Variants in CASZ1 observed in about 807,000 individuals in gnomAD.
CASZ1 encodes the protein zinc finger protein castor homolog 1.
In CASZ1, 28 loss-of-function variants were observed where a neutral mutation model predicts 135.2. That is an observed-to-expected ratio of 0.21 (90% CI 0.15 to 0.28). The LOEUF is 0.28. Ranked by LOEUF, CASZ1 falls within the 10% of genes least tolerant of loss-of-function variation. The probability of loss-of-function intolerance (pLI) is 1.00; values close to 1 mark genes in which losing one functional copy is unlikely to be tolerated. For missense variants in CASZ1, 2,161 were observed against 2,453.3 expected, an observed-to-expected ratio of 0.88 and a Z score of 2.52; for synonymous variants, 1,068 against 1,073.4, an observed-to-expected ratio of 0.99 and a Z score of 0.10.
intron 2 of CASZ1, among the ~76,000 whole-genome samples, chr1:10,744,126 C>T (rs1208095331): frequency 1.3e-5 from 2 of 152,046 alleles, no homozygotes; most frequent in South Asian, 2.1e-4. Flanking sequence ...CCGACCCTGC[C>T]CCCTGATTTT....
chr1:10,714,443 A>T (rs1033826874), intron 2 of CASZ1, among the ~76,000 whole-genome samples: 1 of 152,236 alleles, frequency 6.6e-6, no homozygotes, highest in Non-Finnish European at 1.5e-5. Flanking sequence ...GGCTCTGCTG[A>T]GCCTCCACAC....
chr1:10,784,250 C>T (rs1288964987), intron 1 of CASZ1, among the ~76,000 whole-genome samples: 2 of 152,108 alleles, frequency 1.3e-5, no homozygotes, highest in Non-Finnish European at 2.9e-5. Flanking sequence ...TGGGTGTGCC[C>T]CCGCCCTCCA....
At position 10,644,912 on chromosome 1, in the gene CASZ1, G is replaced by A. The variant is rs760931772; in HGVS notation, c.3868+5C>T. ...GTCCCTGCCCGCAGCCCCAGCCCTCGGTACCTAGCCTGCCACACTCCTCGC... is the reference window on the plus strand; with the variant it reads ...GTCCCTGCCCGCAGCCCCAGCCCTCAGTACCTAGCCTGCCACACTCCTCGC... On this transcript the variant is annotated splice_donor_5th_base_variant and intron_variant, in intron 18 of 20. Transcript: ENST00000377022. The A allele has an allele frequency of 2.5e-5, 41 of 1,610,874 alleles. No individual in the cohort carries two copies. Among genetic ancestry groups the A allele is most frequent in the South Asian group, 6.6e-5 (6 of 90,846 alleles).
chr1:10,644,840 A>G, intron 18 of CASZ1, 77 bp downstream of exon 18: 2 of 1,473,582 alleles, frequency 1.4e-6, no homozygotes, highest in African/African-American at 1.4e-5. Context: ...GGGTACCAGG[A>G]GAGGCGGCCC....
rs755184841 is a variant in CASZ1 at position 10,658,576 on chromosome 1, C to T, written c.1341G>A (p.Lys447=). The change falls in exon 7 of 21, where the codon AAG becomes AAA. Residue 447 remains lysine (K), a splice_region_variant and synonymous_variant. Coordinates refer to ENST00000377022, the MANE Select transcript of CASZ1 (RefSeq NM_001079843.3). The part of the protein sequence containing the change: ...SITTGTVSTV[K]NGLPTDKPAV... ...CTGGTTTATCTGTGGGCAGTCCGTT[C>T]CTGGCAAGAGACACACAGGGCACAG... 1.9e-6 allele frequency: 3 copies of T among 1,613,998 alleles called. 1 individual carries two copies. In the South Asian group the frequency reaches 3.3e-5, roughly 18 times the overall value.
At position 10,679,296 on chromosome 1, in the gene CASZ1, C is replaced by T. The variant is rs1016831864; in HGVS notation, c.17-13725G>A. Among the ~76,000 whole-genome samples, 11 of 152,208 alleles carry T rather than the reference C, an allele frequency of 7.2e-5. No homozygotes were observed. The highest frequency in any genetic ancestry group is 1.6e-4 in the Non-Finnish European group (11 of 68,024). The stretch of plus-strand genomic sequence containing the variant: ...TCCCAAACCTGAGGCAGACAGGTCT[C>T]CTGGGCCATCTGCACCACATGCCCC... On this transcript the variant is annotated intron_variant, in intron 4 of 20. Coordinates refer to ENST00000377022, the MANE Select transcript of CASZ1 (RefSeq NM_001079843.3). This position sits in a 1 kb window ranked among gnomAD's most constrained non-coding sequence, Gnocchi z 4.7.
rs1327923824 is a variant in CASZ1 at position 10,794,630 on chromosome 1, G to A, written c.-234+1934C>T. 6.6e-6 allele frequency among the ~76,000 whole-genome samples: 1 copy of A among 152,176 alleles called. No homozygotes were observed. Among genetic ancestry groups the A allele is most frequent in the African/African-American group, 2.4e-5 (1 of 41,438 alleles). ...AAGCTGGGGCAGAGGAACTTGTGTG[G>A]AGGAAGAGGGGGTCCCCTGCCTCCC... On this transcript the variant is annotated intron_variant, in intron 1 of 20. Transcript: ENST00000377022. The surrounding 1 kb of genome is among the most constrained non-coding windows in gnomAD (Gnocchi z 5.6).
chr1:10,651,079 G>T lies in CASZ1; in HGVS notation c.2681-3C>A. The T allele has an allele frequency of 6.6e-7, 1 of 1,509,174 alleles. No homozygotes were observed. The highest frequency in any genetic ancestry group is 1.3e-5 in the South Asian group (1 of 74,472). 93.5% of individuals were successfully genotyped at this position (1,509,174 alleles called of 1,614,324 possible). A position where few individuals can be genotyped will look rare whatever the true frequency, so the allele number is the denominator to read the frequency against. On this transcript the variant is annotated splice_polypyrimidine_tract_variant and splice_region_variant and intron_variant, in intron 11 of 20. Transcript: ENST00000377022. ...TGGGGTGACCTGCTGCCCGCTTCCT[G>T]CAGGGGAGGGGTGGGAAGATGCGTC...
chr1:10,737,439 C>T (rs1442734382), intron 2 of CASZ1, among the ~76,000 whole-genome samples: 2 of 152,254 alleles, frequency 1.3e-5, no homozygotes, highest in African/African-American at 4.8e-5. Context: ...GACCAGACCT[C>T]ACGTCCTGGC....
rs934346721 is a variant in CASZ1, at chr1:10,762,934, G to C, written c.-233-2077C>G. Reference sequence around the variant, plus strand: ...CTCGTTGGGCTTCTTCCAGCGGAAAGTGGGGCCTGCCCAGGGCAGAGGATG... The same window carrying C: ...CTCGTTGGGCTTCTTCCAGCGGAAACTGGGGCCTGCCCAGGGCAGAGGATG... On this transcript the variant is annotated intron_variant, in intron 1 of 20. Coordinates refer to ENST00000377022, the MANE Select transcript of CASZ1 (RefSeq NM_001079843.3). This position sits in a 1 kb window ranked among gnomAD's most constrained non-coding sequence, Gnocchi z 4.1. 1.3e-5 allele frequency among the ~76,000 whole-genome samples: 2 copies of C among 152,250 alleles called. No individual in the cohort carries two copies. The highest frequency in any genetic ancestry group is 2.9e-5 in the Non-Finnish European group (2 of 68,042).
chr1:10,781,366 G>T (rs1640759628), intron 1 of CASZ1, among the ~76,000 whole-genome samples: 1 of 152,224 alleles, frequency 6.6e-6, no homozygotes, highest in Non-Finnish European at 1.5e-5. Flanking sequence ...CTGGGGAAGG[G>T]CAAGGGCCAC....
intron 1 of CASZ1, among the ~76,000 whole-genome samples, chr1:10,786,175 C>T (rs967343623): frequency 5.3e-5 from 8 of 152,116 alleles, no homozygotes; most frequent in African/African-American, 1.9e-4. Flanking sequence ...CTGCCCTCAC[C>T]CCACCCCACC....
In CASZ1 at chr1:10,719,950, A is replaced by G. The variant is rs1183781041; in HGVS notation, c.-76-14406T>C. On this transcript the variant is annotated intron_variant, in intron 2 of 20. Coordinates refer to ENST00000377022, the MANE Select transcript of CASZ1 (RefSeq NM_001079843.3). The surrounding 1 kb of genome is among the most constrained non-coding windows in gnomAD (Gnocchi z 4.0). ...GTGCAGAGATATGGTGCCTGAACACAGGTCCTCCGACAGCACCAGGGTGCG... is the reference window on the plus strand; with the variant it reads ...GTGCAGAGATATGGTGCCTGAACACGGGTCCTCCGACAGCACCAGGGTGCG... Among the ~76,000 whole-genome samples the G allele has an allele frequency of 6.6e-6, 1 of 152,228 alleles. No homozygotes were observed. The highest frequency in any genetic ancestry group is 2.4e-5 in the African/African-American group (1 of 41,466).
chr1:10,790,962 G>A (rs923078138), intron 1 of CASZ1, among the ~76,000 whole-genome samples: 3 of 151,696 alleles, frequency 2.0e-5, no homozygotes, highest in Admixed American at 6.6e-5. Flanking sequence ...ATCATAAAAG[G>A]TGATTTTTTT....
rs912623428 is a variant in CASZ1, at chr1:10,648,739, C to T, written c.3158+331G>A. 18 of 297,966 alleles carry T rather than the reference C, an allele frequency of 6.0e-5. No individual in the cohort carries two copies. The East Asian group carries it at 1.0e-3, about 17-fold the overall frequency. The allele number at this position is 297,966 out of a possible 1,614,324, so 18.5% of individuals were successfully genotyped here. ...TAGGGTTCCTGCTCCAGGTCACAGC[C>T]GAGTCTCTCCAGCTGGGCTCTGTGC... On this transcript the variant is annotated intron_variant, in intron 15 of 20. Transcript: ENST00000377022.
At chr1:10,780,468 C>T (rs1255967435) in intron 1 of CASZ1, among the ~76,000 whole-genome samples, 2 of 152,190 alleles carry the variant, frequency 1.3e-5, no homozygotes, top group Non-Finnish European at 2.9e-5. Context: ...ATCAATCCCT[C>T]CCCGGTGGCC....
At chr1:10,784,071 C>T (rs1166416677) in intron 1 of CASZ1, among the ~76,000 whole-genome samples, 1 of 152,094 alleles carries the variant, frequency 6.6e-6, no homozygotes, top group Non-Finnish European at 1.5e-5. Context: ...GACCCAGGCC[C>T]ACCGTCACAA....
In CASZ1 at chr1:10,726,808, G is replaced by A. The variant is rs1557535054; in HGVS notation, c.-76-21264C>T. On this transcript the variant is annotated intron_variant, in intron 2 of 20. Transcript: ENST00000377022. The surrounding 1 kb of genome is among the most constrained non-coding windows in gnomAD (Gnocchi z 5.7). ...CACCCAGGCCCTGAAGAGAGGCCAG[G>A]GAGAGGCTAGCATGGGGGTGTTCAG... is the stretch of plus-strand genomic sequence containing the variant. Among the ~76,000 whole-genome samples the A allele has an allele frequency of 6.6e-6, 1 of 152,166 alleles. No homozygotes were observed. The highest frequency in any genetic ancestry group is 1.5e-5 in the Non-Finnish European group (1 of 68,018).
rs999569052 is a variant in CASZ1 at position 10,777,214 on chromosome 1, T to C, written c.-233-16357A>G. 3.3e-5 allele frequency among the ~76,000 whole-genome samples: 5 copies of C among 152,060 alleles called. No homozygotes were observed. Among genetic ancestry groups the C allele is most frequent in the Admixed American group, 2.0e-4 (3 of 15,278 alleles). On this transcript the variant is annotated intron_variant, in intron 1 of 20. Coordinates refer to ENST00000377022, the MANE Select transcript of CASZ1 (RefSeq NM_001079843.3). This position sits in a 1 kb window ranked among gnomAD's most constrained non-coding sequence, Gnocchi z 4.4. ...TAATGATGGAACGATCACACAGGTG[T>C]CTCTGAGCCCACCCGAGCCTCGGAA... is the stretch of plus-strand genomic sequence containing the variant.
Sources: allele counts gnomAD v4.1 joint callset (sites outside exome capture counted in the v4.1 genomes callset), GRCh38; gene constraint gnomAD v4.1.1; non-coding constraint Gnocchi (gnomAD v3.1); transcripts MANE v1.5; gene names NCBI Gene and HGNC (gene_info 2026-07-23, HGNC 2026-07-21).